The following FAM107B variants were observed in gnomAD, a reference collection of about 807,000 sequenced individuals.
FAM107B encodes the protein protein FAM107B.
In FAM107B, 21 loss-of-function variants were observed where a neutral mutation model predicts 31.5. The observed-to-expected ratio is 0.67, with a 90% confidence interval of 0.47 to 0.96. FAM107B has a LOEUF of 0.96. FAM107B is among the 40% of genes least tolerant of loss of function. The probability of loss-of-function intolerance (pLI) is 0.00; values close to 1 mark genes in which losing one functional copy is unlikely to be tolerated. For missense variants in FAM107B, 452 were observed against 377.1 expected (o/e 1.20, Z -1.64); for synonymous variants, 157 against 141.5 (o/e 1.11, Z -0.78).
chr10:14,543,053 C>T (rs1257355337), intron 2 of FAM107B, among the ~76,000 whole-genome samples: 2 of 152,152 alleles, frequency 1.3e-5, no homozygotes, highest in Non-Finnish European at 2.9e-5. Context: ...TGATAAATTA[C>T]ACTTATCAAA....
At chr10:14,765,883 AGCCC>A (rs1833151015) in intron 1 of FAM107B, among the ~76,000 whole-genome samples, 1 of 152,200 alleles carries the variant, frequency 6.6e-6, no homozygotes, top group African/African-American at 2.4e-5. Flanking sequence ...ATGGAAATAT[AGCCC>A]AGCAGAGCTG....
At chr10:14,614,820 C>T (rs1305048289) in intron 2 of FAM107B, among the ~76,000 whole-genome samples, 2 of 151,740 alleles carry the variant, frequency 1.3e-5, no homozygotes, top group Admixed American at 6.6e-5. Context: ...CTTTGTGAAA[C>T]GCTGCTACCA....
At chr10:14,579,800 T>C (rs1470909471) in intron 2 of FAM107B, among the ~76,000 whole-genome samples, 2 of 151,832 alleles carry the variant, frequency 1.3e-5, no homozygotes, top group Admixed American at 1.3e-4. Flanking sequence ...TGAGGACAGA[T>C]CACTTGAGGT....
chr10:14,684,539 C>T (rs1055450132), intron 1 of FAM107B, among the ~76,000 whole-genome samples: 1 of 152,162 alleles, frequency 6.6e-6, no homozygotes, highest in African/African-American at 2.4e-5. Context: ...TTCCCAAAGG[C>T]CCCACCCTCC....
rs899320996 is a variant in FAM107B at position 14,519,135 on chromosome 10, G to T, written c.*2055C>A. Reference sequence around the variant, plus strand: ...ATTCTGCAGATTTGAGTGAGATTAGGAAAGAAATGCTTTCTTAAGTAACTT... The same window carrying T: ...ATTCTGCAGATTTGAGTGAGATTAGTAAAGAAATGCTTTCTTAAGTAACTT... On this transcript the variant is annotated 3_prime_UTR_variant, in exon 5 of 5. Transcript: ENST00000181796. The T allele has an allele frequency of 6.6e-6, 1 of 152,000 alleles. No homozygotes were observed. The highest frequency in any genetic ancestry group is 2.4e-5 in the African/African-American group (1 of 41,382). The allele number at this position is 152,000 out of a possible 1,614,324, so 9.4% of individuals were successfully genotyped here.
intron 1 of FAM107B, among the ~76,000 whole-genome samples, chr10:14,675,811 C>T (rs965406594): frequency 3.3e-5 from 5 of 151,986 alleles, no homozygotes; most frequent in Non-Finnish European, 7.4e-5. Context: ...TTCAAAATTA[C>T]CCCCCAGAAT....
At chr10:14,526,218 T>G (rs1459069417) in intron 3 of FAM107B, among the ~76,000 whole-genome samples, 1 of 152,188 alleles carries the variant, frequency 6.6e-6, no homozygotes, top group Non-Finnish European at 1.5e-5. Flanking sequence ...CTATTGCCCA[T>G]GCTGGAGTGC....
At chr10:14,698,107 A>G (rs1274079690) in intron 1 of FAM107B, among the ~76,000 whole-genome samples, 1 of 152,172 alleles carries the variant, frequency 6.6e-6, no homozygotes, top group Non-Finnish European at 1.5e-5. Context: ...CCTGGGCAAC[A>G]GAGCAAGACT....
chr10:14,555,375 C>G (rs764089405), intron 2 of FAM107B, among the ~76,000 whole-genome samples: 10 of 152,136 alleles, frequency 6.6e-5, no homozygotes, highest in Non-Finnish European at 1.3e-4. Flanking sequence ...CAAAAGCAGA[C>G]TTACAAAGAC....
intron 2 of FAM107B, among the ~76,000 whole-genome samples, chr10:14,589,664 G>A (rs1851954235): frequency 6.6e-6 from 1 of 152,158 alleles, no homozygotes. Context: ...TGAGGGGCAA[G>A]GGGAGGGAAA....
At chr10:14,686,030 A>AC (rs950962973) in intron 1 of FAM107B, among the ~76,000 whole-genome samples, 3 of 151,886 alleles carry the variant, frequency 2.0e-5, no homozygotes, top group African/African-American at 7.3e-5. Context: ...AGGGGACCCC[A>AC]CCCCCCTGAT....
At chr10:14,675,367 G>A (rs12261703) in intron 1 of FAM107B, among the ~76,000 whole-genome samples, 1 of 152,012 alleles carries the variant, frequency 6.6e-6, no homozygotes, top group African/African-American at 2.4e-5. Flanking sequence ...TCTCTCAACT[G>A]GTCTCTGACT....
chr10:14,522,128 T>C lies in FAM107B; in HGVS notation c.654-109A>G, dbSNP rs1437932151. Reference sequence around the variant, plus strand: ...ACCACGGAAAAGTGGTCTACAAAATTAGTATGATACCTACTAGGCTACAGC... The same window carrying C: ...ACCACGGAAAAGTGGTCTACAAAATCAGTATGATACCTACTAGGCTACAGC... On this transcript the variant is annotated intron_variant, in intron 3 of 4. Transcript: ENST00000181796. 17 of 1,383,966 alleles carry C rather than the reference T, an allele frequency of 1.2e-5. No individual in the cohort carries two copies. The Admixed American group carries it at 4.1e-4, about 33-fold the overall frequency. The allele number at this position is 1,383,966 out of a possible 1,614,324, so 85.7% of individuals were successfully genotyped here.
intron 1 of FAM107B, among the ~76,000 whole-genome samples, chr10:14,765,199 A>T (rs1010090689): frequency 6.6e-5 from 10 of 152,250 alleles, no homozygotes; most frequent in Non-Finnish European, 1.0e-4. Flanking sequence ...CTTGAAAATA[A>T]ACGGTGCTTT....
chr10:14,653,298 G>C (rs1227805832), intron 2 of FAM107B, among the ~76,000 whole-genome samples: 1 of 152,224 alleles, frequency 6.6e-6, no homozygotes, highest in Non-Finnish European at 1.5e-5. Flanking sequence ...TCTCCTTGGA[G>C]AAGAAAGCTG....
chr10:14,575,726 T>A (rs904253850), intron 2 of FAM107B, among the ~76,000 whole-genome samples: 1 of 152,160 alleles, frequency 6.6e-6, no homozygotes, highest in African/African-American at 2.4e-5. Flanking sequence ...GACAGACACA[T>A]GTGTGCACGG....
In FAM107B at chr10:14,600,591, T is replaced by C. The variant is rs201203024; in HGVS notation, c.469+67043A>G. Among the ~76,000 whole-genome samples, 12 of 152,226 alleles carry C rather than the reference T, an allele frequency of 7.9e-5. No homozygotes were observed. The East Asian group carries it at 2.3e-3, about 29-fold the overall frequency. On this transcript the variant is annotated intron_variant, in intron 2 of 4. Coordinates refer to ENST00000181796, the MANE Select transcript of FAM107B (RefSeq NM_031453.4). ...GTGCTTTCCCTTCCCAGCTCTTAAC[T>C]GTAATTAAACAATTTTTGTGTAATT... is the stretch of plus-strand genomic sequence containing the variant.
At chr10:14,546,131 G>A (rs572094359) in intron 2 of FAM107B, among the ~76,000 whole-genome samples, 7 of 152,330 alleles carry the variant, frequency 4.6e-5, no homozygotes, top group African/African-American at 1.7e-4. Flanking sequence ...ACTTTAGAAG[G>A]AACACAGAGA....
intron 1 of FAM107B, among the ~76,000 whole-genome samples, chr10:14,718,366 G>C (rs927842498): frequency 6.8e-6 from 1 of 147,262 alleles, no homozygotes; most frequent in African/African-American, 2.5e-5. Flanking sequence ...AGGGAGGGAG[G>C]GAAAGAAAAG....
Sources: allele counts gnomAD v4.1 joint callset (sites outside exome capture counted in the v4.1 genomes callset), GRCh38; gene constraint gnomAD v4.1.1; transcripts MANE v1.5; gene names NCBI Gene and HGNC (gene_info 2026-07-23, HGNC 2026-07-21).